Variants in KSR1 observed in about 807,000 individuals in gnomAD.
The protein encoded by KSR1 is kinase suppressor of ras.
Under a neutral mutation model 92.9 loss-of-function variants are expected in KSR1, and 35 were observed. That is an observed-to-expected ratio of 0.38 (90% CI 0.29 to 0.50). The LOEUF (loss-of-function observed/expected upper bound fraction) is 0.50. Ranked by LOEUF, KSR1 falls within the 20% of genes least tolerant of loss-of-function variation. The probability of loss-of-function intolerance (pLI) is 0.94; values close to 1 mark genes in which losing one functional copy is unlikely to be tolerated. For synonymous variants in KSR1, 467 were observed against 472.6 expected (o/e 0.99, Z 0.15); for missense variants, 972 against 1,158.5 (o/e 0.84, Z 2.34).
chr17:27,498,021 T>C (rs1399455704), intron 1 of KSR1, among the ~76,000 whole-genome samples: 1 of 152,160 alleles, frequency 6.6e-6, no homozygotes, highest in Non-Finnish European at 1.5e-5. Flanking sequence ...GTAGCAGTAA[T>C]ATTTTACCCT....
chr17:27,607,793 C>G, intron 14 of KSR1, 121 bp from the exon 15 acceptor site: 1 of 718,838 alleles, frequency 1.4e-6, no homozygotes, highest in East Asian at 2.7e-5. Flanking sequence ...GGCTCACAGT[C>G]GAGGGGCTGG....
intron 2 of KSR1, among the ~76,000 whole-genome samples, chr17:27,570,084 A>G (rs758093533): frequency 1.3e-5 from 2 of 152,196 alleles, no homozygotes; most frequent in African/African-American, 4.8e-5. Flanking sequence ...GGGAACATGG[A>G]GAGACCTCCT....
chr17:27,604,354 G>A (rs981332024), intron 12 of KSR1, among the ~76,000 whole-genome samples: 11 of 152,186 alleles, frequency 7.2e-5, no homozygotes, highest in Non-Finnish European at 1.6e-4. Flanking sequence ...GGTTTTCCAA[G>A]TTGAGGCCGT....
At chr17:27,580,408 G>A (rs1283083780) in intron 3 of KSR1, among the ~76,000 whole-genome samples, 2 of 152,138 alleles carry the variant, frequency 1.3e-5, no homozygotes, top group African/African-American at 4.8e-5. Flanking sequence ...GTTTGAAGAG[G>A]GGATGGGATG....
chr17:27,576,258 G>C (rs1186506119), intron 2 of KSR1, among the ~76,000 whole-genome samples: 1 of 152,086 alleles, frequency 6.6e-6, no homozygotes, highest in East Asian at 1.9e-4. Context: ...TTTTCTGTAG[G>C]GGATATGTTC....
At chr17:27,472,138 ACCC>A (rs1001495315) in intron 1 of KSR1, 5 of 151,880 alleles carry the variant, frequency 3.3e-5, no homozygotes, top group African/African-American at 1.2e-4. Flanking sequence ...GCCATGGGAA[ACCC>A]CCTTCTTACT....
Position 27,591,265 on chromosome 17 carries a change from C to T in KSR1, c.1130+371C>T, listed in dbSNP as rs142323254. ...ATGGTAAAAACAGGGAGTTGGCTTG[C>T]GGAAGGGGAGAGTGAGCAGAGGGTA... On this transcript the variant is annotated intron_variant, in intron 7 of 20. Transcript: ENST00000644974. Among the ~76,000 whole-genome samples, 12 of 152,194 alleles carry T rather than the reference C, an allele frequency of 7.9e-5. No homozygotes were observed. In the East Asian group the frequency reaches 1.9e-3, roughly 24 times the overall value.
intron 1 of KSR1, among the ~76,000 whole-genome samples, chr17:27,497,993 A>C (rs1025840125): frequency 5.9e-5 from 9 of 152,190 alleles, no homozygotes; most frequent in Admixed American, 5.9e-4. Flanking sequence ...GTGCATGTGC[A>C]TACTGTTTTT....
Position 27,520,259 on chromosome 17 carries a change from C to T in KSR1, c.232-30309C>T, listed in dbSNP as rs117639036. The stretch of plus-strand genomic sequence containing the variant: ...TGCCATGAGAAAATTTCCATTCCTG[C>T]AGAAGATGGCCTTCTATAAAGGGCA... On this transcript the variant is annotated intron_variant, in intron 1 of 20. Coordinates refer to ENST00000644974, the MANE Select transcript of KSR1 (RefSeq NM_001394583.1). Among the ~76,000 whole-genome samples the T allele has an allele frequency of 4.6e-5, 7 of 152,236 alleles. No homozygotes were observed. The East Asian group carries it at 1.4e-3, about 29-fold the overall frequency.
intron 7 of KSR1, 53 bp from the exon 8 acceptor site, chr17:27,592,308 G>A (rs904061556): frequency 8.8e-5 from 129 of 1,471,594 alleles, no homozygotes; most frequent in Non-Finnish European, 1.2e-4. Flanking sequence ...ACCCCTGTGT[G>A]CCTGAGCCCC....
chr17:27,615,159 A>G (rs1185277426), intron 18 of KSR1, among the ~76,000 whole-genome samples: 6 of 152,242 alleles, frequency 3.9e-5, no homozygotes, highest in South Asian at 2.1e-4. Context: ...ACCTGGGTCT[A>G]TCAGCTTTTC....
At chr17:27,585,892 T>C (rs1223367652) in intron 5 of KSR1, 1 of 578,922 alleles carries the variant, frequency 1.7e-6, no homozygotes, top group Non-Finnish European at 3.1e-6. Flanking sequence ...TCAGAGACCT[T>C]GAGCACATCT....
chr17:27,470,671 T>G (rs1191967237), intron 1 of KSR1, among the ~76,000 whole-genome samples: 6 of 152,038 alleles, frequency 3.9e-5, no homozygotes, highest in African/African-American at 1.4e-4. Context: ...CCACCACACC[T>G]AGCCCCTCCA....
At chr17:27,583,759 A>T (rs186726859) in intron 4 of KSR1, among the ~76,000 whole-genome samples, 55 of 152,308 alleles carry the variant, frequency 3.6e-4, no homozygotes, top group Admixed American at 3.3e-3. Context: ...TACATCTTGG[A>T]ATGTTTTACT....
intron 9 of KSR1, among the ~76,000 whole-genome samples, chr17:27,593,584 G>A (rs1214220134): frequency 1.3e-5 from 2 of 152,314 alleles, no homozygotes; most frequent in South Asian, 4.1e-4. Flanking sequence ...GAGAGCCAGG[G>A]CCACCTCTTA....
intron 3 of KSR1, among the ~76,000 whole-genome samples, chr17:27,581,322 G>A (rs1007141108): frequency 6.6e-6 from 1 of 152,076 alleles, no homozygotes; most frequent in African/African-American, 2.4e-5. Flanking sequence ...CCAACATTGG[G>A]ATTACAATTC....
chr17:27,458,394 T>G (rs908149475), intron 1 of KSR1, among the ~76,000 whole-genome samples: 1 of 152,198 alleles, frequency 6.6e-6, no homozygotes, highest in Non-Finnish European at 1.5e-5. Context: ...GTTGCTGGGC[T>G]TGGAGAATGC....
intron 1 of KSR1, among the ~76,000 whole-genome samples, chr17:27,476,011 T>C (rs2068331472): frequency 6.6e-6 from 1 of 152,212 alleles, no homozygotes; most frequent in African/African-American, 2.4e-5. Context: ...TGGGACTGTT[T>C]TTCTTTTGCA....
Position 27,577,405 on chromosome 17 carries a change from A to T in KSR1, c.373-87A>T. 1 of 785,002 alleles carries T rather than the reference A, an allele frequency of 1.3e-6. No homozygotes were observed. The highest frequency in any genetic ancestry group is 2.0e-6 in the Non-Finnish European group (1 of 491,892). 48.6% of individuals were successfully genotyped at this position (785,002 alleles called of 1,614,324 possible). ...GCCCAGCCAGCAGCTGGCCCCTGCC[A>T]CTCAGCAGGAGGCCAGCCTGAGGCT... On this transcript the variant is annotated intron_variant, in intron 2 of 20. Coordinates refer to ENST00000644974, the MANE Select transcript of KSR1 (RefSeq NM_001394583.1). The surrounding 1 kb of genome is among the most constrained non-coding windows in gnomAD (Gnocchi z 4.5).
Sources: allele counts gnomAD v4.1 joint callset (sites outside exome capture counted in the v4.1 genomes callset), GRCh38; gene constraint gnomAD v4.1.1; non-coding constraint Gnocchi (gnomAD v3.1); transcripts MANE v1.5; gene names NCBI Gene and HGNC (gene_info 2026-07-23, HGNC 2026-07-21).